The following CATSPERT variants were observed in gnomAD, a reference collection of about 807,000 sequenced individuals.
CATSPERT encodes the protein cation channel sperm-associated targeting subunit tau.
the CATSPERT span, among the ~76,000 whole-genome samples, chr2:201,489,859 A>T: frequency 6.3e-5 from 9 of 142,848 alleles, no homozygotes; most frequent in Non-Finnish European, 1.4e-4. Flanking sequence ...TACTTTCCTA[A>T]TTTTTTTTTT....
At chr2:201,567,118 T>C in the CATSPERT span, among the ~76,000 whole-genome samples, 8,372 of 152,230 alleles carry the variant, frequency 0.055, 280 homozygotes, top group African/African-American at 0.08. Context: ...ATGTCCAAAA[T>C]AGAACTCACG....
chr2:201,529,524 T>C, the CATSPERT span, among the ~76,000 whole-genome samples: 2 of 152,122 alleles, frequency 1.3e-5, no homozygotes, highest in Non-Finnish European at 1.5e-5. Flanking sequence ...TAATAAATGA[T>C]GTTGGGAAAA....
At chr2:201,602,916 GGAAA>G in the CATSPERT span, among the ~76,000 whole-genome samples, 73 of 152,186 alleles carry the variant, frequency 4.8e-4, no homozygotes, top group African/African-American at 1.7e-3. Flanking sequence ...TAGGACTTAG[GGAAA>G]GAGAGAGAGA....
At chr2:201,575,149 A>C in the CATSPERT span, 1 of 689,014 alleles carries the variant, frequency 1.5e-6, no homozygotes, top group Non-Finnish European at 2.2e-6. Flanking sequence ...CTACTATTTC[A>C]AACAGTGACT....
At chr2:201,595,626 TGAG>T in the CATSPERT span, among the ~76,000 whole-genome samples, 1 of 151,910 alleles carries the variant, frequency 6.6e-6, no homozygotes, top group Middle Eastern at 3.4e-3. Flanking sequence ...GGGACCCACT[TGAG>T]GATGCAGTCT....
the CATSPERT span, among the ~76,000 whole-genome samples, chr2:201,499,278 G>A: frequency 6.6e-6 from 1 of 152,130 alleles, no homozygotes. Context: ...ATTCTAAATA[G>A]CTCAGAGATA....
the CATSPERT span, among the ~76,000 whole-genome samples, chr2:201,608,124 A>G: frequency 3.3e-5 from 5 of 152,176 alleles, no homozygotes; most frequent in Non-Finnish European, 5.9e-5. Flanking sequence ...TGGGACTCAT[A>G]TAGGGTAATT....
At chr2:201,586,876 G>C in the CATSPERT span, among the ~76,000 whole-genome samples, 1 of 151,680 alleles carries the variant, frequency 6.6e-6, no homozygotes, top group African/African-American at 2.4e-5. Flanking sequence ...TCTTCCTCTT[G>C]ATTTCCTAAA....
chr2:201,561,060 C>T, the CATSPERT span, among the ~76,000 whole-genome samples: 4 of 152,072 alleles, frequency 2.6e-5, no homozygotes, highest in African/African-American at 7.2e-5. Flanking sequence ...GAATTACAGG[C>T]GTGAGCCACC....
chr2:201,536,789 A>G, the CATSPERT span, among the ~76,000 whole-genome samples: 2 of 151,988 alleles, frequency 1.3e-5, no homozygotes, highest in Admixed American at 1.3e-4. Context: ...AAATAAATTT[A>G]GCTTTATGAA....
chr2:201,512,181 C>A, the CATSPERT span, among the ~76,000 whole-genome samples: 1 of 152,080 alleles, frequency 6.6e-6, no homozygotes, highest in Non-Finnish European at 1.5e-5. Context: ...GGTAAGTTTT[C>A]TTTTTCGTTA....
chr2:201,563,123 G>A, the CATSPERT span, among the ~76,000 whole-genome samples: 1 of 63,308 alleles, frequency 1.6e-5, no homozygotes, highest in African/African-American at 4.8e-5. Context: ...CTCCCGGATG[G>A]GGCGGCTGGC....
the CATSPERT span, chr2:201,601,839 T>TG: frequency 6.2e-7 from 1 of 1,608,360 alleles, no homozygotes; most frequent in Non-Finnish European, 8.5e-7. Flanking sequence ...CACAGCTTTG[T>TG]TTATAGAGAT....
the CATSPERT span, among the ~76,000 whole-genome samples, chr2:201,513,645 C>G: frequency 6.6e-6 from 1 of 152,166 alleles, no homozygotes; most frequent in Non-Finnish European, 1.5e-5. Flanking sequence ...TTCATTGCAG[C>G]ACCATTCACA....
the CATSPERT span, chr2:201,537,318 A>C: frequency 3.1e-3 from 2,510 of 812,232 alleles, 8 homozygotes; most frequent in Non-Finnish European, 4.2e-3. Flanking sequence ...AGAAACCATA[A>C]AACAACTGAG....
the CATSPERT span, chr2:201,494,095 C>G: frequency 6.5e-6 from 10 of 1,534,674 alleles, no homozygotes; most frequent in Non-Finnish European, 8.7e-6. Context: ...AATTATTTGA[C>G]TTAAAGTAGT....
At chr2:201,560,266 A>C in the CATSPERT span, among the ~76,000 whole-genome samples, 2 of 151,914 alleles carry the variant, frequency 1.3e-5, no homozygotes, top group Non-Finnish European at 2.9e-5. Flanking sequence ...TGTCTCTAGT[A>C]AAAATACAAA....
chr2:201,543,729 A>G, the CATSPERT span, among the ~76,000 whole-genome samples: 1 of 152,072 alleles, frequency 6.6e-6, no homozygotes, highest in Non-Finnish European at 1.5e-5. Flanking sequence ...GAATTCATGT[A>G]TTGGTTCTAA....
the CATSPERT span, chr2:201,555,706 T>C: frequency 6.6e-6 from 1 of 152,202 alleles, no homozygotes; most frequent in Admixed American, 6.5e-5. Flanking sequence ...AAATATGCTC[T>C]TCATTCAAGG....
Sources: allele counts gnomAD v4.1 joint callset (sites outside exome capture counted in the v4.1 genomes callset), GRCh38; gene constraint gnomAD v4.1.1; transcripts MANE v1.5; gene names NCBI Gene and HGNC (gene_info 2026-07-23, HGNC 2026-07-21).